Variants in RASAL1 observed in about 807,000 individuals in gnomAD.
RASAL1 encodes RAS protein activator like 1, also known as rasGAP-activating-like protein 1.
Under a neutral mutation model 96.6 loss-of-function variants are expected in RASAL1, and 72 were observed. That is an observed-to-expected ratio of 0.75 (90% CI 0.62 to 0.91). The LOEUF (loss-of-function observed/expected upper bound fraction) is 0.91, where lower values mean the gene tolerates loss of function less well. Ranked by LOEUF, RASAL1 falls within the 40% of genes least tolerant of loss-of-function variation. RASAL1 has a pLI of 0.00. For missense variants in RASAL1, 1,016 were observed against 1,072.5 expected, an observed-to-expected ratio of 0.95 and a Z score of 0.74; for synonymous variants, 405 against 430.4, an observed-to-expected ratio of 0.94 and a Z score of 0.73.
rs1950373794 is a variant in RASAL1, at chr12:113,099,660, C to T, written c.*269G>A. 2.9e-6 allele frequency: 1 copy of T among 345,618 alleles called. No individual in the cohort carries two copies. The highest frequency in any genetic ancestry group is 4.5e-5 in the East Asian group (1 of 22,352). The allele number at this position is 345,618 out of a possible 1,614,324, so 21.4% of individuals were successfully genotyped here. A position where few individuals can be genotyped will look rare whatever the true frequency, so the allele number is the denominator to read the frequency against. ...TTTGGTGAAGTAGAGACCCCAGTCT[C>T]AGTCAAATAAGTCAGGTTCCTTATC... is the stretch of plus-strand genomic sequence containing the variant. On this transcript the variant is annotated 3_prime_UTR_variant, in exon 21 of 21. Coordinates refer to ENST00000548055, the MANE Select transcript of RASAL1 (RefSeq NM_001301202.2).
At chr12:113,126,474 A>G (rs1021336919) in intron 4 of RASAL1, among the ~76,000 whole-genome samples, 1 of 152,060 alleles carries the variant, frequency 6.6e-6, no homozygotes. Context: ...TGAGGCCAAG[A>G]GTTCAAGACC....
chr12:113,116,189 G>T, intron 8 of RASAL1, 138 bp from the exon 9 acceptor site: 1 of 591,416 alleles, frequency 1.7e-6, no homozygotes, highest in Non-Finnish European at 2.8e-6. Context: ...GACCAACATG[G>T]TGAAGCCCCA....
chr12:113,114,741 A>G (rs538754802), intron 12 of RASAL1, 59 bp downstream of exon 12: 10 of 1,449,814 alleles, frequency 6.9e-6, no homozygotes, highest in South Asian at 2.3e-5. Context: ...GCCCCCAGAC[A>G]AGGCTCCGGG....
chr12:113,127,023 A>G (rs1951508278), intron 4 of RASAL1, among the ~76,000 whole-genome samples: 1 of 136,368 alleles, frequency 7.3e-6, no homozygotes, highest in Non-Finnish European at 1.5e-5. Context: ...ATTTATATAT[A>G]CAGTATATAA....
intron 12 of RASAL1, 64 bp downstream of exon 12, chr12:113,114,736 C>T: frequency 2.1e-6 from 3 of 1,422,152 alleles, no homozygotes; most frequent in Non-Finnish European, 2.0e-6. Flanking sequence ...ACCCAGCCCC[C>T]AGACAAGGCT....
chr12:113,108,088 G>A lies in RASAL1; in HGVS notation c.1509C>T (p.Ala503=), dbSNP rs541174055. Residue 503 remains alanine (A), a synonymous_variant, in exon 14 of 21, where the codon GCC becomes GCT. Transcript: ENST00000548055. ...GGGGGAAACCCATGGCTGGCACCTT[G>A]GCAAGCAACAGCAGTGAGCGGCTAG... ...PQTSRSLLLL[A]KAVQSIGNLG... 1 of 1,609,004 alleles carries A rather than the reference G, an allele frequency of 6.2e-7. No homozygotes were observed. The highest frequency in any genetic ancestry group is 1.3e-5 in the African/African-American group (1 of 74,644).
At position 113,115,841 on chromosome 12, in the gene RASAL1, G is replaced by A; in HGVS notation, c.850-53C>T. 2 of 1,602,740 alleles carry A rather than the reference G, an allele frequency of 1.2e-6. No homozygotes were observed. Among genetic ancestry groups the A allele is most frequent in the South Asian group, 2.2e-5 (2 of 90,222 alleles). ...CCTCGGCCCCTGGGACCCCAAAGCAGATGGGCCTAGATAGGGCTCCGTGAG... is the reference window on the plus strand; with the variant it reads ...CCTCGGCCCCTGGGACCCCAAAGCAAATGGGCCTAGATAGGGCTCCGTGAG... On this transcript the variant is annotated intron_variant, in intron 9 of 20. Coordinates refer to ENST00000548055, the MANE Select transcript of RASAL1 (RefSeq NM_001301202.2). The surrounding 1 kb of genome is among the most constrained non-coding windows in gnomAD (Gnocchi z 4.1).
Position 113,115,801 on chromosome 12 carries a change from G to A in RASAL1, c.850-13C>T, listed in dbSNP as rs779874408. On this transcript the variant is annotated splice_polypyrimidine_tract_variant and intron_variant, in intron 9 of 20. Coordinates refer to ENST00000548055, the MANE Select transcript of RASAL1 (RefSeq NM_001301202.2). The surrounding 1 kb of genome is among the most constrained non-coding windows in gnomAD (Gnocchi z 4.1). ...TAGCAGTGTCCTCCTGGGTGGGGGCGGGAGACAAAGATGACCTCGGCCCCT... is the reference window on the plus strand; with the variant it reads ...TAGCAGTGTCCTCCTGGGTGGGGGCAGGAGACAAAGATGACCTCGGCCCCT... 32 of 1,613,520 alleles carry A rather than the reference G, an allele frequency of 2.0e-5. No homozygotes were observed. Among genetic ancestry groups the A allele is most frequent in the Middle Eastern group, 1.6e-4 (1 of 6,078 alleles).
Position 113,121,427 on chromosome 12 carries a change from A to G in RASAL1, c.428+82T>C, listed in dbSNP as rs1453957931. 1.9e-6 allele frequency: 3 copies of G among 1,581,086 alleles called. No homozygotes were observed. The East Asian group carries it at 6.7e-5, about 36-fold the overall frequency. ...AGTGCCCCAGGACTGAGGAGGTCCCAAACGCCAGGCAGCAGGGGAGACCCA... is the reference window on the plus strand; with the variant it reads ...AGTGCCCCAGGACTGAGGAGGTCCCGAACGCCAGGCAGCAGGGGAGACCCA... On this transcript the variant is annotated intron_variant, in intron 5 of 20. Transcript: ENST00000548055.
intron 7 of RASAL1, among the ~76,000 whole-genome samples, chr12:113,118,906 G>A (rs1399724606): frequency 2.0e-5 from 3 of 152,240 alleles, no homozygotes; most frequent in Admixed American, 6.5e-5. Context: ...ATCTGGGCCC[G>A]TCCTGTGATC....
chr12:113,115,165 G>C lies in RASAL1; in HGVS notation c.1068+35C>G, dbSNP rs780563787. 3 of 1,580,258 alleles carry C rather than the reference G, an allele frequency of 1.9e-6. No individual in the cohort carries two copies. The highest frequency in any genetic ancestry group is 4.5e-5 in the East Asian group (2 of 44,708). On this transcript the variant is annotated intron_variant, in intron 11 of 20. Transcript: ENST00000548055. The surrounding 1 kb of genome is among the most constrained non-coding windows in gnomAD (Gnocchi z 4.1). The stretch of plus-strand genomic sequence containing the variant: ...CACTGGGAAGGAGGTACCCGAGGAA[G>C]CTGCGCCTGGTCCCGCAGGCCTTCA...
At chr12:113,112,774 A>G (rs560106973) in intron 12 of RASAL1, among the ~76,000 whole-genome samples, 5 of 152,218 alleles carry the variant, frequency 3.3e-5, no homozygotes, top group Admixed American at 3.3e-4. Context: ...AACATGGTGA[A>G]ACTCCATCTC....
Position 113,127,848 on chromosome 12 carries a change from A to G in RASAL1, c.262T>C (p.Ser88Pro), listed in dbSNP as rs1951545469. ...GCTGTAATCGCCTCCCTGCTCAGCG[A>G]GATCTTGCCGATGATGTCGTCGTGC... Reference protein sequence around the residue: ...VGHDDIIGKISLSREAITADP... With the variant: ...VGHDDIIGKIPLSREAITADP... Residue 88 changes from serine to proline, a missense_variant, in exon 4 of 21, where the codon TCG (serine) becomes CCG (proline). Coordinates refer to ENST00000548055, the MANE Select transcript of RASAL1 (RefSeq NM_001301202.2). 1.9e-6 allele frequency: 3 copies of G among 1,613,162 alleles called. No individual in the cohort carries two copies. The highest frequency in any genetic ancestry group is 2.7e-5 in the African/African-American group (2 of 74,854).
intron 16 of RASAL1, among the ~76,000 whole-genome samples, chr12:113,104,753 C>T (rs890881401): frequency 2.6e-5 from 4 of 152,088 alleles, no homozygotes; most frequent in Admixed American, 6.6e-5. Flanking sequence ...CTGCCCACCC[C>T]GGCCTCCCAA....
chr12:113,135,879 C>G (rs568761580), upstream of RASAL1: 9 of 179,334 alleles, frequency 5.0e-5, no homozygotes, highest in African/African-American at 1.7e-4. This position sits in a 1 kb window ranked among gnomAD's most constrained non-coding sequence, Gnocchi z 5.7. Flanking sequence ...GTCATGCGCG[C>G]CAGAGCGCAC....
chr12:113,106,650 C>CTT (rs72340533), intron 15 of RASAL1, among the ~76,000 whole-genome samples: 193 of 150,088 alleles, frequency 1.3e-3, no homozygotes, highest in Middle Eastern at 6.8e-3. Context: ...TTCTTTCCTC[C>CTT]TTTTTTTTTT....
At chr12:113,106,030 T>A in intron 15 of RASAL1, 144 bp from the exon 16 acceptor site, 1 of 814,296 alleles carries the variant, frequency 1.2e-6, no homozygotes, top group South Asian at 1.8e-5. Context: ...CGCGATGACT[T>A]CAGACCACTC....
At position 113,104,008 on chromosome 12, in the gene RASAL1, G is replaced by T; in HGVS notation, c.2042C>A (p.Ala681Asp). ...ASAPNPNKLA[A>D]CHPGAFRSAR... ...GCTGCGGAAGGCACCGGGGTGGCAG[G>T]CGGCCAGCTTGTTCGGGTTGGGGGC... The change falls in exon 18 of 21, where the codon GCC becomes GAC. Residue 681 changes from alanine to aspartate, a missense_variant. Ala to Asp is a moderately radical substitution (Grantham distance 126, BLOSUM62 -2). Transcript: ENST00000548055. The T allele has an allele frequency of 1.3e-6, 2 of 1,573,900 alleles. No individual in the cohort carries two copies. Among genetic ancestry groups the T allele is most frequent in the Non-Finnish European group, 1.7e-6 (2 of 1,158,322 alleles).
At chr12:113,114,988 G>T in intron 11 of RASAL1, 76 bp from the exon 12 acceptor site, 3 of 1,244,058 alleles carry the variant, frequency 2.4e-6, no homozygotes, top group South Asian at 1.2e-5. Context: ...GCGCAGGGGG[G>T]ACCATGCAGG....
Sources: allele counts gnomAD v4.1 joint callset (sites outside exome capture counted in the v4.1 genomes callset), GRCh38; gene constraint gnomAD v4.1.1; non-coding constraint Gnocchi (gnomAD v3.1); transcripts MANE v1.5; gene names NCBI Gene and HGNC (gene_info 2026-07-23, HGNC 2026-07-21).